Variants in MAP3K20 observed in about 807,000 individuals in gnomAD.
MAP3K20 encodes the protein mitogen-activated protein kinase kinase kinase 20.
Under a neutral mutation model 85.7 loss-of-function variants are expected in MAP3K20, and 40 were observed. The ratio of observed to expected loss-of-function variants is 0.47; its 90% confidence interval spans 0.36 to 0.61. The LOEUF is 0.61. Ranked by LOEUF, MAP3K20 falls within the 20% of genes least tolerant of loss-of-function variation. The pLI is 0.00. For missense variants in MAP3K20, 817 were observed against 961.7 expected (o/e 0.85, Z 1.99); for synonymous variants, 325 against 327.7 (o/e 0.99, Z 0.09).
chr2:173,107,400 C>T (rs912229888), intron 2 of MAP3K20, among the ~76,000 whole-genome samples: 1 of 152,026 alleles, frequency 6.6e-6, no homozygotes, highest in East Asian at 1.9e-4. Context: ...GAGGAGGATC[C>T]AGCTAGAATA....
Position 173,203,687 on chromosome 2 carries a change from C to A in MAP3K20, c.670-109C>A, listed in dbSNP as rs971877488. The A allele has an allele frequency of 7.0e-5, 57 of 814,746 alleles. No individual in the cohort carries two copies. In the Admixed American group the frequency reaches 1.1e-3, roughly 16 times the overall value. 50.5% of individuals were successfully genotyped at this position (814,746 alleles called of 1,614,324 possible). A position where few individuals can be genotyped will look rare whatever the true frequency, so the allele number is the denominator to read the frequency against. ...ATCAATGGAAGCTTTAAATTTCATG[C>A]CTTATGTTCTTAAAATAACTCTATT... On this transcript the variant is annotated intron_variant, in intron 8 of 19. Coordinates refer to ENST00000375213, the MANE Select transcript of MAP3K20 (RefSeq NM_016653.3).
chr2:173,099,903 T>C (rs558439685), intron 2 of MAP3K20, among the ~76,000 whole-genome samples: 2 of 152,228 alleles, frequency 1.3e-5, no homozygotes, highest in Admixed American at 6.5e-5. Context: ...AGATCATATA[T>C]GTGAAATGTA....
At chr2:173,111,284 T>C (rs754524394) in intron 2 of MAP3K20, among the ~76,000 whole-genome samples, 2 of 152,168 alleles carry the variant, frequency 1.3e-5, no homozygotes, top group Non-Finnish European at 2.9e-5. Context: ...GATTGTTTTT[T>C]TCTTATTGAT....
At chr2:173,183,295 A>C (rs1052183500) in intron 4 of MAP3K20, among the ~76,000 whole-genome samples, 2 of 152,140 alleles carry the variant, frequency 1.3e-5, no homozygotes, top group Non-Finnish European at 2.9e-5. Context: ...GTTGTTCTGA[A>C]AGTCTCTACT....
At chr2:173,246,377 C>T (rs1359340434) in intron 16 of MAP3K20, among the ~76,000 whole-genome samples, 1 of 152,228 alleles carries the variant, frequency 6.6e-6, no homozygotes, top group Non-Finnish European at 1.5e-5. Context: ...GTTTTACAAT[C>T]TAAGGCCTTT....
intron 11 of MAP3K20, among the ~76,000 whole-genome samples, chr2:173,219,937 G>A (rs552346840): frequency 1.1e-3 from 165 of 151,962 alleles, no homozygotes; most frequent in South Asian, 9.0e-3. Context: ...GCGTGGTGGC[G>A]GGCGCCTGTA....
chr2:173,264,039 C>T (rs1685356074), intron 19 of MAP3K20, 144 bp downstream of exon 19: 2 of 1,170,550 alleles, frequency 1.7e-6, no homozygotes, highest in African/African-American at 3.2e-5. Flanking sequence ...AACCCAGTTG[C>T]AACTGGCTTA....
chr2:173,100,496 C>T (rs571958333), intron 2 of MAP3K20, among the ~76,000 whole-genome samples: 1 of 152,294 alleles, frequency 6.6e-6, no homozygotes, highest in South Asian at 2.1e-4. Flanking sequence ...GTGGACATAC[C>T]TCTCATTTTT....
At chr2:173,175,824 G>A (rs1690136751) in intron 3 of MAP3K20, among the ~76,000 whole-genome samples, 1 of 152,148 alleles carries the variant, frequency 6.6e-6, no homozygotes, top group Non-Finnish European at 1.5e-5. Flanking sequence ...AGATGGTGAA[G>A]AGTAGACTGA....
At chr2:173,234,812 G>T (rs1209263505) in intron 14 of MAP3K20, among the ~76,000 whole-genome samples, 1 of 152,166 alleles carries the variant, frequency 6.6e-6, no homozygotes, top group African/African-American at 2.4e-5. Flanking sequence ...CTTCAGGCTG[G>T]GGGGAAAGAG....
chr2:173,266,014 T>G, intron 19 of MAP3K20, 36 bp from the exon 20 acceptor site: 1 of 1,530,028 alleles, frequency 6.5e-7, no homozygotes, highest in Non-Finnish European at 8.8e-7. Context: ...AGCTTTAGTG[T>G]GGCTTAAAAG....
chr2:173,258,889 C>A, intron 17 of MAP3K20, 74 bp downstream of exon 17: 1 of 984,696 alleles, frequency 1.0e-6, no homozygotes, highest in Non-Finnish European at 1.6e-6. Flanking sequence ...AATACCCCAG[C>A]AGTGTGCTTT....
rs542195030 is a variant in MAP3K20, at chr2:173,133,923, G to A, written c.160-35882G>A. Among the ~76,000 whole-genome samples the A allele has an allele frequency of 6.7e-5, 10 of 148,650 alleles. No individual in the cohort carries two copies. The South Asian group carries it at 1.5e-3, about 22-fold the overall frequency. ...GAAGAATGGCGGGAACCCGGGAGGC[G>A]GAGCTTGCAGTGAGCCGAGATCACA... is the stretch of plus-strand genomic sequence containing the variant. On this transcript the variant is annotated intron_variant, in intron 2 of 19. Transcript: ENST00000375213.
At chr2:173,154,078 A>G (rs540944204) in intron 2 of MAP3K20, among the ~76,000 whole-genome samples, 23 of 152,272 alleles carry the variant, frequency 1.5e-4, no homozygotes, top group Admixed American at 4.6e-4. Context: ...TGTGTTAGCA[A>G]TTCCATTACC....
chr2:173,095,656 G>A (rs1687436883), intron 2 of MAP3K20, among the ~76,000 whole-genome samples: 1 of 152,162 alleles, frequency 6.6e-6, no homozygotes, highest in South Asian at 2.1e-4. Context: ...GAGATGTGCA[G>A]AAAGATGGAT....
At chr2:173,181,791 T>G (rs1358926757) in intron 3 of MAP3K20, among the ~76,000 whole-genome samples, 1 of 151,754 alleles carries the variant, frequency 6.6e-6, no homozygotes, top group Non-Finnish European at 1.5e-5. Flanking sequence ...CTCAAGCCTG[T>G]AATCCCAGCA....
chr2:173,202,605 T>C (rs1691107104), intron 8 of MAP3K20, among the ~76,000 whole-genome samples: 1 of 152,158 alleles, frequency 6.6e-6, no homozygotes, highest in East Asian at 1.9e-4. Flanking sequence ...ATATTGTAAG[T>C]TAACATAATG....
At chr2:173,140,715 A>G (rs1312578703) in intron 2 of MAP3K20, among the ~76,000 whole-genome samples, 1 of 152,214 alleles carries the variant, frequency 6.6e-6, no homozygotes, top group African/African-American at 2.4e-5. Flanking sequence ...AAAATGGATC[A>G]TGTGAAGAGG....
chr2:173,202,178 G>C (rs534618689), intron 8 of MAP3K20, among the ~76,000 whole-genome samples: 1 of 152,244 alleles, frequency 6.6e-6, no homozygotes, highest in East Asian at 1.9e-4. Flanking sequence ...AAGGTCTGCA[G>C]TTTACAGTAA....
Sources: allele counts gnomAD v4.1 joint callset (sites outside exome capture counted in the v4.1 genomes callset), GRCh38; gene constraint gnomAD v4.1.1; transcripts MANE v1.5; gene names NCBI Gene and HGNC (gene_info 2026-07-23, HGNC 2026-07-21).